Variants in NALCN observed in about 807,000 individuals in gnomAD.
The protein encoded by NALCN is sodium leak channel NALCN.
In NALCN, 111 loss-of-function variants were observed where a neutral mutation model predicts 225.3. That is an observed-to-expected ratio of 0.49 (90% CI 0.42 to 0.58). The LOEUF is 0.58. NALCN is among the 20% of genes least tolerant of loss of function. The pLI, the probability that NALCN is intolerant of heterozygous loss-of-function variation, is 0.00. For missense variants in NALCN, 1,378 were observed against 2,202.4 expected (o/e 0.63, Z 7.49); for synonymous variants, 764 against 769.0 (o/e 0.99, Z 0.11).
intron 6 of NALCN, among the ~76,000 whole-genome samples, chr13:101,369,869 TACTC>T (rs1267477053): frequency 2.6e-5 from 4 of 152,296 alleles, no homozygotes; most frequent in Admixed American, 2.6e-4. Context: ...TCAACTCCCT[TACTC>T]ACCACTTGCT....
chr13:101,400,375 G>A (rs1594786156), intron 1 of NALCN, among the ~76,000 whole-genome samples: 1 of 151,954 alleles, frequency 6.6e-6, no homozygotes, highest in African/African-American at 2.4e-5. Flanking sequence ...AAAAAAGAGC[G>A]CTTCAGGCAA....
Position 101,089,609 on chromosome 13 carries a change from A to G in NALCN, c.3489+54T>C. 1 of 1,510,570 alleles carries G rather than the reference A, an allele frequency of 6.6e-7. No homozygotes were observed. Among genetic ancestry groups the G allele is most frequent in the Non-Finnish European group, 9.2e-7 (1 of 1,092,656 alleles). 93.6% of individuals were successfully genotyped at this position (1,510,570 alleles called of 1,614,324 possible). On this transcript the variant is annotated intron_variant, in intron 30 of 43. Coordinates refer to ENST00000251127, the MANE Select transcript of NALCN (RefSeq NM_052867.4). This position sits in a 1 kb window ranked among gnomAD's most constrained non-coding sequence, Gnocchi z 4.7. Reference sequence around the variant, plus strand: ...GTGTGAAAAGAAACAAATAGCTCAAAGTGAGTGGCTAGAAAAGGCTAAACC... The same window carrying G: ...GTGTGAAAAGAAACAAATAGCTCAAGGTGAGTGGCTAGAAAAGGCTAAACC...
intron 9 of NALCN, among the ~76,000 whole-genome samples, chr13:101,284,614 A>T (rs2043277361): frequency 6.6e-6 from 1 of 152,194 alleles, no homozygotes; most frequent in East Asian, 1.9e-4. Flanking sequence ...TGCTTAATAC[A>T]CTTTGTGTAA....
At chr13:101,357,055 T>C (rs996853366) in intron 6 of NALCN, among the ~76,000 whole-genome samples, 1 of 152,152 alleles carries the variant, frequency 6.6e-6, no homozygotes, top group Non-Finnish European at 1.5e-5. Flanking sequence ...TAAGTGCTAT[T>C]TGTGACAAAC....
chr13:101,219,086 G>C (rs1190587342), intron 13 of NALCN, among the ~76,000 whole-genome samples: 2 of 152,016 alleles, frequency 1.3e-5, no homozygotes, highest in African/African-American at 2.4e-5. Flanking sequence ...TGAGGTTCTG[G>C]GAGTTGGGAT....
rs901210492 is a variant in NALCN at position 101,322,669 on chromosome 13, A to G, written c.799+22597T>C. ...AACCACTTGTTTTAACTATTATAGAAGTATTGAAACTAATTTAATTTAAAA... is the reference window on the plus strand; with the variant it reads ...AACCACTTGTTTTAACTATTATAGAGGTATTGAAACTAATTTAATTTAAAA... On this transcript the variant is annotated intron_variant, in intron 7 of 43. Transcript: ENST00000251127. Among the ~76,000 whole-genome samples the G allele has an allele frequency of 2.8e-4, 43 of 152,134 alleles. 1 individual carries two copies. The highest frequency in any genetic ancestry group is 1.0e-3 in the African/African-American group (42 of 41,428).
chr13:101,402,925 G>T (rs1287023652), intron 1 of NALCN, among the ~76,000 whole-genome samples: 1 of 152,120 alleles, frequency 6.6e-6, no homozygotes, highest in African/African-American at 2.4e-5. Flanking sequence ...TCTCAGCAGT[G>T]GATTGTTTTC....
At chr13:101,312,349 T>C (rs1334175656) in intron 7 of NALCN, among the ~76,000 whole-genome samples, 1 of 152,162 alleles carries the variant, frequency 6.6e-6, no homozygotes, top group Non-Finnish European at 1.5e-5. Flanking sequence ...GTTTTTTGTG[T>C]CTCTATTTCC....
chr13:101,322,632 G>A (rs2044785880), intron 7 of NALCN, among the ~76,000 whole-genome samples: 1 of 152,124 alleles, frequency 6.6e-6, no homozygotes, highest in Non-Finnish European at 1.5e-5. Flanking sequence ...TATCATTTGT[G>A]ATTTAAATAG....
At chr13:101,340,620 G>A (rs761332365) in intron 7 of NALCN, among the ~76,000 whole-genome samples, 3 of 152,176 alleles carry the variant, frequency 2.0e-5, no homozygotes, top group Non-Finnish European at 2.9e-5. Flanking sequence ...TGAGGCAAGA[G>A]AGTTAATTAC....
At chr13:101,307,773 C>A (rs1171543673) in intron 7 of NALCN, among the ~76,000 whole-genome samples, 1 of 152,126 alleles carries the variant, frequency 6.6e-6, no homozygotes, top group African/African-American at 2.4e-5. Flanking sequence ...CATTTCTCTG[C>A]CTTCTCTGCA....
At chr13:101,183,392 A>G (rs7337100) in intron 14 of NALCN, among the ~76,000 whole-genome samples, 37,305 of 152,106 alleles carry the variant, frequency 0.25, 5,375 homozygotes, top group Non-Finnish European at 0.33. Context: ...ACTGTTCTAA[A>G]TTATGCAACT....
chr13:101,128,260 A>C (rs2036337692), intron 17 of NALCN, among the ~76,000 whole-genome samples: 1 of 152,226 alleles, frequency 6.6e-6, no homozygotes, highest in Admixed American at 6.5e-5. Flanking sequence ...CAGAATTAAT[A>C]ACTCAAAACA....
intron 34 of NALCN, among the ~76,000 whole-genome samples, chr13:101,080,502 C>T (rs1012683213): frequency 7.0e-6 from 1 of 143,134 alleles, no homozygotes; most frequent in African/African-American, 2.5e-5. Context: ...ATTATAATTA[C>T]ATAAGTATAA....
intron 7 of NALCN, among the ~76,000 whole-genome samples, chr13:101,316,686 C>A (rs892153738): frequency 1.9e-4 from 29 of 152,242 alleles, no homozygotes; most frequent in African/African-American, 7.0e-4. Flanking sequence ...CTGGAAAATT[C>A]TTTTTTAAAT....
chr13:101,083,161 G>C lies in NALCN; in HGVS notation c.3621C>G (p.Thr1207=), dbSNP rs752738023. The C allele has an allele frequency of 6.2e-7, 1 of 1,614,064 alleles. No homozygotes were observed. Among genetic ancestry groups the C allele is most frequent in the Non-Finnish European group, 8.5e-7 (1 of 1,179,974 alleles). Residue 1207 remains threonine (T), a synonymous_variant, in exon 32 of 44, where the codon ACC becomes ACG. Transcript: ENST00000251127. The stretch of plus-strand genomic sequence containing the variant: ...TTGTCCTCTTAAAAAATGGATGCTG[G>C]GTTATGTCATACATTTTAGCTCTAA... ...DGFRAKMYDI[T]QHPFFKRTIA...
rs536598795 is a variant in NALCN, at chr13:101,346,450, T to C, written c.645-1030A>G. Among the ~76,000 whole-genome samples, 20 of 152,220 alleles carry C rather than the reference T, an allele frequency of 1.3e-4. 1 individual carries two copies. The highest frequency in any genetic ancestry group is 1.5e-5 in the Non-Finnish European group (1 of 68,018). The stretch of plus-strand genomic sequence containing the variant: ...GTTGCATGATGAAAATCATTTTCTT[T>C]GCAGTACGAATACTACGAAACTCAT... On this transcript the variant is annotated intron_variant, in intron 6 of 43. Coordinates refer to ENST00000251127, the MANE Select transcript of NALCN (RefSeq NM_052867.4).
At chr13:101,415,795 C>G (rs997946668) in intron 1 of NALCN, among the ~76,000 whole-genome samples, 1 of 152,194 alleles carries the variant, frequency 6.6e-6, no homozygotes, top group Non-Finnish European at 1.5e-5. Context: ...CCTGCTGGAG[C>G]CAGGCTGCCC....
chr13:101,312,735 A>C (rs1337517765), intron 7 of NALCN, among the ~76,000 whole-genome samples: 1 of 152,138 alleles, frequency 6.6e-6, no homozygotes, highest in African/African-American at 2.4e-5. Flanking sequence ...ACAGTTTGTT[A>C]TAATTTCTGT....
Sources: gnomAD v4.1 joint callset for allele counts (sites outside exome capture counted in the v4.1 genomes callset) on GRCh38, gnomAD v4.1.1 for gene constraint, Gnocchi (gnomAD v3.1) non-coding constraint, MANE v1.5 for transcripts, NCBI Gene and HGNC (gene_info 2026-07-23, HGNC 2026-07-21) for gene names.